The following GALNT13 variants were observed in gnomAD, a reference collection of about 807,000 sequenced individuals.
GALNT13 encodes polypeptide N-acetylgalactosaminyltransferase 13.
Under a neutral mutation model 64.2 loss-of-function variants are expected in GALNT13, and 28 were observed. The ratio of observed to expected loss-of-function variants is 0.44; its 90% CI spans 0.32 to 0.60. The LOEUF (loss-of-function observed/expected upper bound fraction) is 0.60, where lower values mean the gene tolerates loss of function less well. GALNT13 is among the 20% of genes least tolerant of loss of function. The pLI is 0.05. For missense variants in GALNT13, 577 were observed against 669.8 expected (o/e 0.86, Z 1.53); for synonymous variants, 214 against 224.6 (o/e 0.95, Z 0.42).
At chr2:153,302,616 G>A in the GALNT13 span, among the ~76,000 whole-genome samples, 1 of 152,006 alleles carries the variant, frequency 6.6e-6, no homozygotes, top group African/African-American at 2.4e-5. Context: ...TTCATATGCA[G>A]AAAAGTAATT....
At chr2:154,266,071 A>G (rs188281253) in intron 8 of GALNT13, among the ~76,000 whole-genome samples, 99 of 152,284 alleles carry the variant, frequency 6.5e-4, no homozygotes, top group African/African-American at 2.3e-3. Flanking sequence ...TCCTGAATTT[A>G]AAAAGAAAAC....
At chr2:153,564,594 G>T in the GALNT13 span, among the ~76,000 whole-genome samples, 12 of 142,126 alleles carry the variant, frequency 8.4e-5, no homozygotes, top group African/African-American at 3.0e-4. Context: ...ATGAGGATTA[G>T]TTTTTTTTTT....
the GALNT13 span, among the ~76,000 whole-genome samples, chr2:153,684,809 T>G: frequency 6.6e-6 from 1 of 151,670 alleles, no homozygotes; most frequent in Non-Finnish European, 1.5e-5. Context: ...CCTCCCACCC[T>G]CCATCTTCCA....
At chr2:154,450,070 T>C (rs1046747223) in intron 12 of GALNT13, among the ~76,000 whole-genome samples, 1 of 152,052 alleles carries the variant, frequency 6.6e-6, no homozygotes, top group Non-Finnish European at 1.5e-5. Context: ...AACTAAGCTT[T>C]TGCAAAAGCT....
At chr2:154,349,214 T>A (rs1032089338) in intron 9 of GALNT13, among the ~76,000 whole-genome samples, 2 of 152,192 alleles carry the variant, frequency 1.3e-5, no homozygotes, top group Non-Finnish European at 2.9e-5. Context: ...CATTTGATTA[T>A]CATCATCATT....
At chr2:153,863,291 A>T in the GALNT13 span, among the ~76,000 whole-genome samples, 1,404 of 152,224 alleles carry the variant, frequency 9.2e-3, 20 homozygotes, top group African/African-American at 0.032. Context: ...TAAATATTTA[A>T]ATTTAAAAAG....
At chr2:153,257,319 G>A in the GALNT13 span, among the ~76,000 whole-genome samples, 8,172 of 151,980 alleles carry the variant, frequency 0.054, 781 homozygotes, top group African/African-American at 0.19. Context: ...GCTCGTGCAC[G>A]GTGCGCGCAC....
At chr2:153,612,924 A>G in the GALNT13 span, among the ~76,000 whole-genome samples, 1 of 152,150 alleles carries the variant, frequency 6.6e-6, no homozygotes, top group Non-Finnish European at 1.5e-5. Context: ...AATTGTTTCA[A>G]CCATTTTATT....
At chr2:154,288,301 A>C (rs762320045) in intron 8 of GALNT13, among the ~76,000 whole-genome samples, 2 of 152,110 alleles carry the variant, frequency 1.3e-5, no homozygotes, top group Non-Finnish European at 2.9e-5. Context: ...ACATGTGGGA[A>C]TCATGAGAGC....
intron 9 of GALNT13, among the ~76,000 whole-genome samples, chr2:154,335,456 G>A (rs1310935474): frequency 6.6e-6 from 1 of 151,788 alleles, no homozygotes; most frequent in African/African-American, 2.4e-5. Flanking sequence ...TCAGGGGGTG[G>A]GGAATTTTCT....
At chr2:154,012,349 A>T (rs925097476) in intron 3 of GALNT13, among the ~76,000 whole-genome samples, 1 of 152,134 alleles carries the variant, frequency 6.6e-6, no homozygotes, top group African/African-American at 2.4e-5. Context: ...TGGATCTGAA[A>T]TTTTTGGTTG....
At chr2:153,610,786 T>C in the GALNT13 span, among the ~76,000 whole-genome samples, 1 of 152,222 alleles carries the variant, frequency 6.6e-6, no homozygotes, top group African/African-American at 2.4e-5. Flanking sequence ...GGTAAAAAAC[T>C]AAAGACATAC....
At chr2:153,301,030 C>A in the GALNT13 span, among the ~76,000 whole-genome samples, 1 of 152,028 alleles carries the variant, frequency 6.6e-6, no homozygotes, top group Non-Finnish European at 1.5e-5. Flanking sequence ...ATGATGAAAG[C>A]CTGTCTTTAC....
At chr2:153,837,846 C>CT in the GALNT13 span, among the ~76,000 whole-genome samples, 1 of 152,014 alleles carries the variant, frequency 6.6e-6, no homozygotes, top group Non-Finnish European at 1.5e-5. Flanking sequence ...AATCTCCTTA[C>CT]TTTTTTCCAT....
At chr2:154,139,898 G>T (rs1180984596) in intron 3 of GALNT13, among the ~76,000 whole-genome samples, 1 of 152,056 alleles carries the variant, frequency 6.6e-6, no homozygotes, top group East Asian at 1.9e-4. Context: ...AGTTTTGTTT[G>T]CCTTTATAAA....
chr2:153,406,139 A>G, the GALNT13 span, among the ~76,000 whole-genome samples: 2,208 of 152,280 alleles, frequency 0.014, 65 homozygotes, highest in African/African-American at 0.05. Flanking sequence ...GAGGAACACA[A>G]AAAAATTTTC....
At chr2:153,393,179 T>C in the GALNT13 span, among the ~76,000 whole-genome samples, 4 of 152,066 alleles carry the variant, frequency 2.6e-5, no homozygotes, top group African/African-American at 9.7e-5. Flanking sequence ...ATATACATAG[T>C]ATGCCAAAAA....
At chr2:154,052,028 C>T (rs919893406) in intron 3 of GALNT13, among the ~76,000 whole-genome samples, 1 of 152,038 alleles carries the variant, frequency 6.6e-6, no homozygotes, top group Non-Finnish European at 1.5e-5. Flanking sequence ...TATACTCATA[C>T]TCCTCTGCTC....
intron 11 of GALNT13, among the ~76,000 whole-genome samples, chr2:154,426,987 T>A (rs547810935): frequency 2.0e-5 from 3 of 152,184 alleles, no homozygotes; most frequent in Non-Finnish European, 4.4e-5. Flanking sequence ...TCCACAAGAT[T>A]TTTTTAAAAG....
Sources: gnomAD v4.1 joint callset for allele counts (sites outside exome capture counted in the v4.1 genomes callset) on GRCh38, gnomAD v4.1.1 for gene constraint, MANE v1.5 for transcripts, NCBI Gene and HGNC (gene_info 2026-07-23, HGNC 2026-07-21) for gene names.